DNM3: variants seen among roughly 807,000 people sequenced by gnomAD.
DNM3 encodes dynamin-3.
DNM3 carries 47 observed loss-of-function variants against 101.6 expected under a neutral mutation model. The observed-to-expected ratio is 0.46, with a 90% confidence interval of 0.37 to 0.59. DNM3 has a LOEUF of 0.59. DNM3 is among the 20% of genes least tolerant of loss of function. DNM3 has a pLI of 0.00. For missense variants in DNM3, 849 were observed against 1,085.7 expected (o/e 0.78, Z 3.06); for synonymous variants, 385 against 387.9 (o/e 0.99, Z 0.09).
At chr1:171,850,418 G>T (rs2032791638) in intron 1 of DNM3, among the ~76,000 whole-genome samples, 1 of 152,064 alleles carries the variant, frequency 6.6e-6, no homozygotes, top group Non-Finnish European at 1.5e-5. Context: ...TCTAGTGGAG[G>T]TTTAGAACCC....
intron 2 of DNM3, among the ~76,000 whole-genome samples, chr1:171,934,130 A>G (rs988909607): frequency 6.6e-6 from 1 of 152,200 alleles, no homozygotes; most frequent in Non-Finnish European, 1.5e-5. Context: ...TATACTATGC[A>G]TATATTACTT....
chr1:172,343,386 C>G (rs779595569), intron 17 of DNM3, among the ~76,000 whole-genome samples: 1 of 151,368 alleles, frequency 6.6e-6, no homozygotes, highest in Non-Finnish European at 1.5e-5. Context: ...GTGAAATCCA[C>G]TTTAAAAAAA....
intron 14 of DNM3, among the ~76,000 whole-genome samples, chr1:172,146,173 A>G (rs2057886207): frequency 6.6e-6 from 1 of 152,208 alleles, no homozygotes; most frequent in Non-Finnish European, 1.5e-5. Flanking sequence ...GCCTTCTGAA[A>G]TACTTTTTAG....
At chr1:172,103,948 C>T (rs1487025786) in intron 13 of DNM3, among the ~76,000 whole-genome samples, 1 of 152,212 alleles carries the variant, frequency 6.6e-6, no homozygotes. Context: ...TTGCAGTGAG[C>T]CCAGATCGTG....
intron 14 of DNM3, among the ~76,000 whole-genome samples, chr1:172,132,669 G>A (rs749977458): frequency 1.4e-4 from 21 of 152,050 alleles, no homozygotes; most frequent in South Asian, 2.1e-4. Context: ...ATTTAAATAC[G>A]TGTAAACCTT....
At chr1:171,925,452 A>G (rs6681480) in intron 2 of DNM3, among the ~76,000 whole-genome samples, 95,423 of 151,472 alleles carry the variant, frequency 0.63, 30,135 homozygotes, top group Middle Eastern at 0.68. Context: ...GGATGGTCTC[A>G]ATCTCCTGAC....
intron 1 of DNM3, among the ~76,000 whole-genome samples, chr1:171,908,135 G>T (rs903733866): frequency 6.6e-6 from 1 of 151,984 alleles, no homozygotes; most frequent in African/African-American, 2.4e-5. Flanking sequence ...AAAATATGTT[G>T]GTCAAGTTCT....
At position 171,951,800 on chromosome 1, in the gene DNM3, G is replaced by A. The variant is rs182952372; in HGVS notation, c.235+29979G>A. 6.2e-4 allele frequency among the ~76,000 whole-genome samples: 94 copies of A among 152,216 alleles called. 3 individuals are homozygous for A. In the South Asian group the frequency reaches 0.012, roughly 20 times the overall value. On this transcript the variant is annotated intron_variant, in intron 2 of 20. Transcript: ENST00000627582. ...AGCCCATATTAATGACTATAGCGCA[G>A]GAAACAGCCTCAAGAAGTCCTGAGA...
chr1:172,100,015 G>A (rs1398625300), intron 13 of DNM3, among the ~76,000 whole-genome samples: 2 of 152,136 alleles, frequency 1.3e-5, no homozygotes, highest in Non-Finnish European at 2.9e-5. Context: ...TCCTTGGCCC[G>A]AGAATGTATC....
chr1:171,894,925 A>G (rs568832872), intron 1 of DNM3, among the ~76,000 whole-genome samples: 4 of 152,186 alleles, frequency 2.6e-5, no homozygotes, highest in East Asian at 1.9e-4. Flanking sequence ...TCTGAGAATG[A>G]TGGTTTCCAG....
At chr1:171,905,147 A>G (rs189575719) in intron 1 of DNM3, among the ~76,000 whole-genome samples, 19 of 152,334 alleles carry the variant, frequency 1.2e-4, no homozygotes, top group African/African-American at 4.1e-4. Flanking sequence ...GGAGCAGTTC[A>G]TAGCTTTATG....
chr1:171,951,627 A>G (rs1282662635), intron 2 of DNM3, among the ~76,000 whole-genome samples: 1 of 152,126 alleles, frequency 6.6e-6, no homozygotes, highest in African/African-American at 2.4e-5. Context: ...CATTTATATA[A>G]ATGCTCCTTG....
intron 20 of DNM3, among the ~76,000 whole-genome samples, chr1:172,406,873 AACATTTC>A (rs1303945499): frequency 6.6e-6 from 1 of 151,942 alleles, no homozygotes; most frequent in Non-Finnish European, 1.5e-5. Flanking sequence ...ATCAAAAAGA[AACATTTC>A]AATTTGTAGA....
At chr1:172,107,047 A>G (rs966108976) in intron 13 of DNM3, among the ~76,000 whole-genome samples, 10 of 148,858 alleles carry the variant, frequency 6.7e-5, no homozygotes, top group African/African-American at 2.5e-4. Flanking sequence ...TTTTTAGTAG[A>G]GACGGGGTTT....
chr1:171,957,043 G>A (rs962458150), intron 2 of DNM3, among the ~76,000 whole-genome samples: 1 of 152,100 alleles, frequency 6.6e-6, no homozygotes, highest in Non-Finnish European at 1.5e-5. Context: ...CTGTGATGGG[G>A]GTTGGGGGGC....
At chr1:171,955,600 A>G (rs2042802053) in intron 2 of DNM3, among the ~76,000 whole-genome samples, 1 of 152,206 alleles carries the variant, frequency 6.6e-6, no homozygotes, top group Admixed American at 6.5e-5. Flanking sequence ...CCATTCCCAT[A>G]ACTATAACCA....
intron 4 of DNM3, among the ~76,000 whole-genome samples, chr1:172,030,141 A>C (rs1188401730): frequency 6.6e-6 from 1 of 152,132 alleles, no homozygotes; most frequent in Non-Finnish European, 1.5e-5. Context: ...GCCTCATACT[A>C]CCTGACTTCA....
chr1:172,330,187 ATT>A (rs2066121489), intron 17 of DNM3, among the ~76,000 whole-genome samples: 1 of 152,190 alleles, frequency 6.6e-6, no homozygotes, highest in Non-Finnish European at 1.5e-5. Context: ...TTCAAAGATG[ATT>A]TTGAAACATT....
intron 14 of DNM3, among the ~76,000 whole-genome samples, chr1:172,211,049 A>G (rs960192234): frequency 3.3e-5 from 5 of 152,136 alleles, no homozygotes; most frequent in Non-Finnish European, 7.4e-5. Context: ...ACGGAAATAT[A>G]TCTTACAGTT....
Sources: gnomAD v4.1 joint callset for allele counts (sites outside exome capture counted in the v4.1 genomes callset) on GRCh38, gnomAD v4.1.1 for gene constraint, MANE v1.5 for transcripts, NCBI Gene and HGNC (gene_info 2026-07-23, HGNC 2026-07-21) for gene names.